Variants in KCNK10 observed in about 807,000 individuals in gnomAD.
The protein encoded by KCNK10 is potassium channel subfamily K member 10.
A neutral mutation model predicts 47.7 loss-of-function variants in KCNK10; 25 were observed. That is an observed-to-expected ratio of 0.52 (90% CI 0.38 to 0.73). The LOEUF (loss-of-function observed/expected upper bound fraction) is 0.73. KCNK10 is among the 30% of genes least tolerant of loss of function. The pLI, the probability that KCNK10 is intolerant of heterozygous loss-of-function variation, is 0.00. For synonymous variants in KCNK10, 303 were observed against 285.6 expected (o/e 1.06, Z -0.61); for missense variants, 563 against 714.5 (o/e 0.79, Z 2.42).
intron 4 of KCNK10, among the ~76,000 whole-genome samples, chr14:88,225,009 T>G (rs895284265): frequency 6.6e-6 from 1 of 152,188 alleles, no homozygotes; most frequent in Admixed American, 6.5e-5. Context: ...TTAACACTCA[T>G]TGAGCAGAAG....
intron 1 of KCNK10, among the ~76,000 whole-genome samples, chr14:88,313,977 G>A (rs1272343366): frequency 1.3e-5 from 2 of 152,122 alleles, no homozygotes; most frequent in African/African-American, 4.8e-5. Context: ...ATGTTGGTCT[G>A]GAATTTAACA....
At chr14:88,298,502 C>A (rs144464045) in intron 1 of KCNK10, among the ~76,000 whole-genome samples, 94 of 152,300 alleles carry the variant, frequency 6.2e-4, no homozygotes, top group South Asian at 5.4e-3. Context: ...AGATGCCCCA[C>A]CTCTCCTCCT....
chr14:88,205,811 G>A, intron 4 of KCNK10, among the ~76,000 whole-genome samples: 1 of 151,958 alleles, frequency 6.6e-6, no homozygotes, highest in Non-Finnish European at 1.5e-5. Flanking sequence ...CAAAGTACTG[G>A]GATTATAGGC....
Position 88,192,363 on chromosome 14 carries a change from C to T in KCNK10, c.729G>A (p.Leu243=), listed in dbSNP as rs1566679444. Residue 243 remains leucine, a synonymous_variant, in exon 5 of 7, where the codon CTG becomes CTA. Transcript: ENST00000319231. ...QTKIRVISTI[L]FILAGCIVFV... is the part of the protein sequence containing the mutation. ...ACACAATGCAGCCGGCCAAGATGAA[C>T]AGGATGGTTGAGATGACCCGGATCT... 6.2e-7 allele frequency: 1 copy of T among 1,614,112 alleles called. No individual in the cohort carries two copies. The highest frequency in any genetic ancestry group is 2.2e-5 in the East Asian group (1 of 44,872).
chr14:88,213,906 C>T (rs1259072335), intron 4 of KCNK10, among the ~76,000 whole-genome samples: 2 of 132,260 alleles, frequency 1.5e-5, no homozygotes, highest in Non-Finnish European at 3.2e-5. Context: ...AAACTCTATG[C>T]TCTTTTTATT....
chr14:88,232,412 A>G (rs532894728), intron 3 of KCNK10, among the ~76,000 whole-genome samples: 48 of 152,338 alleles, frequency 3.2e-4, no homozygotes, highest in African/African-American at 1.2e-3. Flanking sequence ...AAGAACTGGA[A>G]GAATTGCTGG....
intron 2 of KCNK10, among the ~76,000 whole-genome samples, chr14:88,241,711 C>T (rs113895403): frequency 1.3e-3 from 203 of 152,314 alleles, no homozygotes; most frequent in African/African-American, 4.5e-3. Flanking sequence ...CTCCCACAAA[C>T]GGTGCCCATC....
intron 1 of KCNK10, among the ~76,000 whole-genome samples, chr14:88,315,105 T>C (rs1203457287): frequency 2.0e-5 from 3 of 152,180 alleles, no homozygotes; most frequent in African/African-American, 7.2e-5. Context: ...GAGGGTGACA[T>C]TTTGCCTGGA....
At chr14:88,231,242 G>A (rs1886152922) in intron 3 of KCNK10, among the ~76,000 whole-genome samples, 1 of 151,916 alleles carries the variant, frequency 6.6e-6, no homozygotes, top group Non-Finnish European at 1.5e-5. Context: ...TCACACCACT[G>A]CACTCCAGCC....
At chr14:88,234,379 T>C (rs1886237945) in intron 3 of KCNK10, among the ~76,000 whole-genome samples, 2 of 152,250 alleles carry the variant, frequency 1.3e-5, no homozygotes, top group South Asian at 4.1e-4. Flanking sequence ...CAATGGCAAT[T>C]TTCCTTCATC....
chr14:88,236,308 C>A (rs2139884347), intron 3 of KCNK10, among the ~76,000 whole-genome samples: 1 of 113,642 alleles, frequency 8.8e-6, no homozygotes, highest in Non-Finnish European at 1.9e-5. Flanking sequence ...CAGAGCAAGA[C>A]CCAGTCTCAA....
At chr14:88,303,027 G>A (rs1408770411) in intron 1 of KCNK10, among the ~76,000 whole-genome samples, 2 of 152,140 alleles carry the variant, frequency 1.3e-5, no homozygotes, top group African/African-American at 4.8e-5. Context: ...AGTTTAGGGG[G>A]TGATATTTAA....
At chr14:88,259,094 A>G (rs1427119309) in intron 2 of KCNK10, among the ~76,000 whole-genome samples, 1 of 152,120 alleles carries the variant, frequency 6.6e-6, no homozygotes, top group Non-Finnish European at 1.5e-5. Context: ...CACACTGAAA[A>G]CCCTTCCAGA....
At chr14:88,221,301 C>CAATAAT (rs55913907) in intron 4 of KCNK10, among the ~76,000 whole-genome samples, 8,235 of 144,094 alleles carry the variant, frequency 0.057, 477 homozygotes, top group East Asian at 0.23. Flanking sequence ...GACTCTGTCT[C>CAATAAT]AATAATAATA....
upstream of KCNK10, among the ~76,000 whole-genome samples, chr14:88,324,614 C>A (rs1455347062): frequency 6.6e-6 from 1 of 152,164 alleles, no homozygotes; most frequent in East Asian, 1.9e-4. Context: ...CTTCATGGGG[C>A]TTACTATCTA....
intron 1 of KCNK10, among the ~76,000 whole-genome samples, chr14:88,273,410 T>A (rs1887453670): frequency 6.6e-6 from 1 of 152,212 alleles, no homozygotes; most frequent in African/African-American, 2.4e-5. Flanking sequence ...CCACTTTCTA[T>A]CTCGGGCTGC....
At chr14:88,292,534 A>G (rs1272182855) in intron 1 of KCNK10, among the ~76,000 whole-genome samples, 1 of 152,152 alleles carries the variant, frequency 6.6e-6, no homozygotes, top group African/African-American at 2.4e-5. Context: ...TATTTTCAGT[A>G]GAGACGGGGT....
rs745525680 is a variant in KCNK10, at chr14:88,240,871, T to C, written c.403-51A>G. ...GACTCAGTTTAAAAGTTGTTTATTTTTTTTTTCTTCAAAAAAAAAAAAGGT... is the reference window on the plus strand; with the variant it reads ...GACTCAGTTTAAAAGTTGTTTATTTCTTTTTTCTTCAAAAAAAAAAAAGGT... On this transcript the variant is annotated intron_variant, in intron 2 of 6. Coordinates refer to ENST00000319231, the MANE Select transcript of KCNK10 (RefSeq NM_138317.3). The C allele has an allele frequency of 9.1e-6, 11 of 1,214,294 alleles. No homozygotes were observed. The South Asian group carries it at 1.0e-4, about 12-fold the overall frequency. The allele number at this position is 1,214,294 out of a possible 1,614,324, so 75.2% of individuals were successfully genotyped here.
intron 1 of KCNK10, among the ~76,000 whole-genome samples, chr14:88,277,750 G>T (rs1887557187): frequency 6.6e-6 from 1 of 152,172 alleles, no homozygotes; most frequent in South Asian, 2.1e-4. Context: ...TGCTGCCAGA[G>T]AAATCTATGG....
Sources: gnomAD v4.1 joint callset for allele counts (sites outside exome capture counted in the v4.1 genomes callset) on GRCh38, gnomAD v4.1.1 for gene constraint, MANE v1.5 for transcripts, NCBI Gene and HGNC (gene_info 2026-07-23, HGNC 2026-07-21) for gene names.